The following TRMT11 variants were observed in gnomAD, a reference collection of about 807,000 sequenced individuals.
The protein encoded by TRMT11 is tRNA methyltransferase 11.
In TRMT11, 53 loss-of-function variants were observed where a neutral mutation model predicts 62.8. That is an observed-to-expected ratio of 0.84 (90% CI 0.68 to 1.06). The LOEUF (loss-of-function observed/expected upper bound fraction) is 1.06. TRMT11 is among the 50% of genes least tolerant of loss of function. The pLI, the probability that TRMT11 is intolerant of heterozygous loss-of-function variation, is 0.00. For synonymous variants in TRMT11, 188 were observed against 190.3 expected (o/e 0.99, Z 0.10); for missense variants, 556 against 553.4 (o/e 1.00, Z -0.05).
At chr6:126,040,044 AG>A (rs1775828301), downstream of TRMT11, among the ~76,000 whole-genome samples, 1 of 152,106 alleles carries the variant, frequency 6.6e-6, no homozygotes, top group Admixed American at 6.6e-5. Context: ...GAAATCTAAA[AG>A]TATTCAAGGA....
At chr6:126,017,864 C>T (rs576840215) in intron 11 of TRMT11, among the ~76,000 whole-genome samples, 3 of 152,330 alleles carry the variant, frequency 2.0e-5, no homozygotes, top group African/African-American at 7.2e-5. Context: ...TACAGGGCAT[C>T]AATCCAGTGT....
chr6:126,154,040 T>A (rs1778088521), intron 21 of TRMT11, among the ~76,000 whole-genome samples: 1 of 152,192 alleles, frequency 6.6e-6, no homozygotes, highest in South Asian at 2.1e-4. Flanking sequence ...TCCACGTTGG[T>A]ACCACTAGCA....
intron 12 of TRMT11, among the ~76,000 whole-genome samples, chr6:126,025,432 T>TA (rs1202969655): frequency 6.6e-6 from 1 of 152,138 alleles, no homozygotes; most frequent in African/African-American, 2.4e-5. Context: ...CCAATTGATT[T>TA]AAAAAAACAA....
the TRMT11 span, among the ~76,000 whole-genome samples, chr6:126,256,786 T>C: frequency 6.6e-6 from 1 of 152,174 alleles, no homozygotes; most frequent in Non-Finnish European, 1.5e-5. Context: ...GCTCTTGGCT[T>C]TACTCCCTAG....
intron 12 of TRMT11, among the ~76,000 whole-genome samples, chr6:126,026,394 A>G (rs60671199): frequency 6.7e-6 from 1 of 149,168 alleles, no homozygotes; most frequent in East Asian, 1.9e-4. Flanking sequence ...TTTTTTTTTA[A>G]TTTTTTTTTT....
the TRMT11 span, among the ~76,000 whole-genome samples, chr6:126,231,649 ATTG>A: frequency 6.6e-6 from 1 of 152,128 alleles, no homozygotes; most frequent in African/African-American, 2.4e-5. Flanking sequence ...GAGAAAGTGT[ATTG>A]TTGTAGCCCC....
intron 1 of TRMT11, among the ~76,000 whole-genome samples, chr6:126,181,942 T>A (rs1194049608): frequency 6.6e-6 from 1 of 152,114 alleles, no homozygotes; most frequent in Non-Finnish European, 1.5e-5. Context: ...AGTCATCCTG[T>A]CAAAAACAGA....
At chr6:126,181,069 T>G (rs1200361006) in intron 1 of TRMT11, among the ~76,000 whole-genome samples, 2 of 152,218 alleles carry the variant, frequency 1.3e-5, no homozygotes, top group Non-Finnish European at 2.9e-5. Context: ...AGAGGATTTT[T>G]TTTTAAAGGA....
chr6:126,224,250 C>T, the TRMT11 span, among the ~76,000 whole-genome samples: 1 of 152,234 alleles, frequency 6.6e-6, no homozygotes, highest in Non-Finnish European at 1.5e-5. Flanking sequence ...TTCTGGCATT[C>T]ATTTTTCATC....
At chr6:126,109,708 T>C (rs1229883617) in intron 17 of TRMT11, among the ~76,000 whole-genome samples, 1 of 152,194 alleles carries the variant, frequency 6.6e-6, no homozygotes, top group South Asian at 2.1e-4. Context: ...TCAGGATCAG[T>C]CATGGAAAGT....
At chr6:126,129,221 A>G (rs548539932) in intron 21 of TRMT11, among the ~76,000 whole-genome samples, 1 of 152,128 alleles carries the variant, frequency 6.6e-6, no homozygotes, top group East Asian at 1.9e-4. Flanking sequence ...ACCTCTCACA[A>G]TGTGCGCAAC....
At chr6:125,997,239 GA>G (rs1055894963) in intron 3 of TRMT11, among the ~76,000 whole-genome samples, 28 of 152,206 alleles carry the variant, frequency 1.8e-4, no homozygotes, top group African/African-American at 6.3e-4. Context: ...AAATTCAATA[GA>G]AAAGGAAGAA....
At chr6:126,138,668 G>A (rs989380181) in intron 21 of TRMT11, among the ~76,000 whole-genome samples, 3 of 151,942 alleles carry the variant, frequency 2.0e-5, no homozygotes, top group African/African-American at 7.2e-5. Flanking sequence ...AATATTTGAG[G>A]CTTCTAAAAT....
downstream of TRMT11, among the ~76,000 whole-genome samples, chr6:126,044,076 A>G (rs1303339091): frequency 6.6e-6 from 1 of 151,166 alleles, no homozygotes; most frequent in Non-Finnish European, 1.5e-5. Context: ...CCATTTGTCA[A>G]TTTTGTCTTT....
the TRMT11 span, among the ~76,000 whole-genome samples, chr6:126,224,899 T>A: frequency 6.6e-6 from 1 of 152,076 alleles, no homozygotes; most frequent in Non-Finnish European, 1.5e-5. Context: ...CAGAAGCTCT[T>A]TGATGATTAG....
intron 17 of TRMT11, among the ~76,000 whole-genome samples, chr6:126,055,633 C>T (rs933936971): frequency 2.6e-5 from 4 of 152,128 alleles, no homozygotes; most frequent in Non-Finnish European, 5.9e-5. Flanking sequence ...TTGGGAAGGG[C>T]AGAGAGGTTT....
chr6:126,030,751 G>A (rs1444816882), intron 12 of TRMT11, among the ~76,000 whole-genome samples: 1 of 152,172 alleles, frequency 6.6e-6, no homozygotes, highest in Non-Finnish European at 1.5e-5. Context: ...TAAAAGGACA[G>A]CTTAAACCTG....
chr6:126,219,075 G>A, the TRMT11 span, among the ~76,000 whole-genome samples: 1 of 152,182 alleles, frequency 6.6e-6, no homozygotes, highest in Admixed American at 6.5e-5. Context: ...GCTGCCAGGG[G>A]ATGGAGGAGG....
At chr6:125,999,755 T>A (rs1792169587) in intron 7 of TRMT11, 142 bp downstream of exon 7, 1 of 641,884 alleles carries the variant, frequency 1.6e-6, no homozygotes, top group South Asian at 2.3e-5. Context: ...ACCACATACT[T>A]GTGTAATAGC....
Sources: allele counts gnomAD v4.1 joint callset (sites outside exome capture counted in the v4.1 genomes callset), GRCh38; gene constraint gnomAD v4.1.1; transcripts MANE v1.5; gene names NCBI Gene and HGNC (gene_info 2026-07-23, HGNC 2026-07-21).